TMEM132B: variants seen among roughly 807,000 people sequenced by gnomAD.
TMEM132B encodes transmembrane protein 132B.
Under a neutral mutation model 90.8 loss-of-function variants are expected in TMEM132B, and 18 were observed. The ratio of observed to expected loss-of-function variants is 0.20; its 90% CI spans 0.14 to 0.29. The LOEUF (loss-of-function observed/expected upper bound fraction) is 0.29. Among genes scored for constraint, TMEM132B ranks in the 10% least tolerant of loss-of-function variants. TMEM132B has a pLI of 1.00. For synonymous variants in TMEM132B, 504 were observed against 523.3 expected, an observed-to-expected ratio of 0.96 and a Z score of 0.50; for missense variants, 1,096 against 1,326.8, an observed-to-expected ratio of 0.83 and a Z score of 2.70.
At chr12:125,629,741 T>A (rs556548436) in intron 5 of TMEM132B, among the ~76,000 whole-genome samples, 23 of 152,248 alleles carry the variant, frequency 1.5e-4, no homozygotes, top group African/African-American at 5.3e-4. Flanking sequence ...GGGCTTTCAG[T>A]TTTTCCCTAA....
At chr12:125,289,986 T>C (rs761152373) in intron 1 of TMEM132B, among the ~76,000 whole-genome samples, 2 of 152,232 alleles carry the variant, frequency 1.3e-5, no homozygotes, top group African/African-American at 2.4e-5. Flanking sequence ...TAATCCATCA[T>C]GCTTTATGTC....
intron 5 of TMEM132B, among the ~76,000 whole-genome samples, chr12:125,606,416 G>A (rs978023579): frequency 6.6e-6 from 1 of 151,212 alleles, no homozygotes; most frequent in African/African-American, 2.4e-5. Flanking sequence ...GTGTGAATAT[G>A]TGTGCACACA....
At chr12:125,288,138 T>G (rs1875416408) in intron 1 of TMEM132B, among the ~76,000 whole-genome samples, 1 of 150,944 alleles carries the variant, frequency 6.6e-6, no homozygotes, top group Admixed American at 6.6e-5. Flanking sequence ...GCTCCCAAAG[T>G]GCTGGGATTA....
rs112094913 is a variant in TMEM132B, at chr12:125,277,254, G to A, written c.68-72198G>A. On this transcript the variant is annotated intron_variant, in intron 1 of 8. Transcript: ENST00000682704. This position sits in a 1 kb window ranked among gnomAD's most constrained non-coding sequence, Gnocchi z 4.3. ...CCAGCACTTTGGGAGGCTGAGGCAG[G>A]TGGATTACAAGGTCAGGAGTTCAAG... Among the ~76,000 whole-genome samples the A allele has an allele frequency of 0.062, 9,375 of 152,102 alleles. 993 individuals are homozygous for A. Among genetic ancestry groups the A allele is most frequent in the African/African-American group, 0.21 (8,874 of 41,408 alleles).
chr12:125,539,287 T>G (rs1023387836), intron 4 of TMEM132B, among the ~76,000 whole-genome samples: 1 of 152,176 alleles, frequency 6.6e-6, no homozygotes, highest in Non-Finnish European at 1.5e-5. Context: ...GCCTCCTTTC[T>G]TTTCTGGAAT....
At chr12:125,219,847 C>T (rs1038153786) in intron 1 of TMEM132B, among the ~76,000 whole-genome samples, 2 of 152,220 alleles carry the variant, frequency 1.3e-5, no homozygotes, top group African/African-American at 4.8e-5. Context: ...CTGAAGGAGC[C>T]ACTGTTTCCC....
chr12:125,641,895 A>G (rs1261218922), intron 5 of TMEM132B, among the ~76,000 whole-genome samples: 1 of 152,206 alleles, frequency 6.6e-6, no homozygotes, highest in African/African-American at 2.4e-5. Flanking sequence ...TTGGACTGAG[A>G]AAGTTCTGGC....
Position 125,652,533 on chromosome 12 carries a change from C to T in TMEM132B, c.2007C>T (p.Leu669=), listed in dbSNP as rs761104216. ...RVTIAELGVQ[L]VAGMSLSLQP... is the part of the protein sequence containing the mutation. ...CCATCGCGGAGCTGGGAGTGCAGCT[C>T]GTAGCTGGCATGTCTCTCTCCCTGC... The change falls in exon 8 of 9, where the codon CTC becomes CTT. Residue 669 remains leucine, a synonymous_variant. Coordinates refer to ENST00000682704, the MANE Select transcript of TMEM132B (RefSeq NM_001366854.1). The T allele has an allele frequency of 5.0e-6, 8 of 1,613,704 alleles. No individual in the cohort carries two copies. The highest frequency in any genetic ancestry group is 1.7e-5 in the Admixed American group (1 of 59,984).
In TMEM132B at chr12:125,655,839, A is replaced by G. The variant is rs1199459894; in HGVS notation, c.*1129A>G. 1.3e-5 allele frequency: 2 copies of G among 152,116 alleles called. No individual in the cohort carries two copies. Among genetic ancestry groups the G allele is most frequent in the Non-Finnish European group, 2.9e-5 (2 of 68,026 alleles). 9.4% of individuals were successfully genotyped at this position (152,116 alleles called of 1,614,324 possible). On this transcript the variant is annotated 3_prime_UTR_variant, in exon 9 of 9. Coordinates refer to ENST00000682704, the MANE Select transcript of TMEM132B (RefSeq NM_001366854.1). ...GAATGACAGTTCAAGTTAGCAATAT[A>G]TAGAAATCCATCCATACAATGACCA...
At position 125,661,259 on chromosome 12, in the gene TMEM132B, AC is replaced by A. The variant is rs1250203138; in HGVS notation, c.*6551del. The A allele has an allele frequency of 6.6e-6, 1 of 152,190 alleles. No individual in the cohort carries two copies. The highest frequency in any genetic ancestry group is 1.5e-5 in the Non-Finnish European group (1 of 68,048). The allele number at this position is 152,190 out of a possible 1,614,324, so 9.4% of individuals were successfully genotyped here. Reference sequence around the variant, plus strand: ...GAGCGTGCCTTTTTCCTCCATCATAACCGCTTTAGGATCTCTGTTTTATCCA... The same window carrying A: ...GAGCGTGCCTTTTTCCTCCATCATAACGCTTTAGGATCTCTGTTTTATCCA... On this transcript the variant is annotated 3_prime_UTR_variant, in exon 9 of 9. Coordinates refer to ENST00000682704, the MANE Select transcript of TMEM132B (RefSeq NM_001366854.1).
At chr12:125,534,365 A>G (rs1883737285) in intron 4 of TMEM132B, among the ~76,000 whole-genome samples, 1 of 152,124 alleles carries the variant, frequency 6.6e-6, no homozygotes, top group South Asian at 2.1e-4. Flanking sequence ...AAACATTTAA[A>G]AATTGGCCAT....
chr12:125,492,569 C>G lies in TMEM132B; in HGVS notation c.1107-26870C>G, dbSNP rs1882383472. 6.6e-6 allele frequency among the ~76,000 whole-genome samples: 1 copy of G among 152,120 alleles called. No individual in the cohort carries two copies. Among genetic ancestry groups the G allele is most frequent in the South Asian group, 2.1e-4 (1 of 4,822 alleles). On this transcript the variant is annotated intron_variant, in intron 3 of 8. Coordinates refer to ENST00000682704, the MANE Select transcript of TMEM132B (RefSeq NM_001366854.1). This position sits in a 1 kb window ranked among gnomAD's most constrained non-coding sequence, Gnocchi z 5.8. ...ACAGGGCGGACAGGAGCCAGGACTC[C>G]TGGAGGCAGGTGCGTCCAGGGGCCC...
At chr12:125,280,984 A>T (rs1019133060) in intron 1 of TMEM132B, among the ~76,000 whole-genome samples, 1 of 152,194 alleles carries the variant, frequency 6.6e-6, no homozygotes. Context: ...CCATGACAAC[A>T]ATTCAATTAG....
chr12:125,276,139 T>C (rs1273878844), intron 1 of TMEM132B, among the ~76,000 whole-genome samples: 3 of 152,258 alleles, frequency 2.0e-5, no homozygotes, highest in African/African-American at 7.2e-5. Flanking sequence ...GTGGTGCCTT[T>C]TATGCATTCC....
intron 1 of TMEM132B, among the ~76,000 whole-genome samples, chr12:125,220,087 C>T (rs767163163): frequency 6.6e-6 from 1 of 152,262 alleles, no homozygotes; most frequent in Non-Finnish European, 1.5e-5. Flanking sequence ...TTTTAAAGTT[C>T]ACCTCTTGTG....
At chr12:125,400,924 T>C (rs1879302465) in intron 2 of TMEM132B, among the ~76,000 whole-genome samples, 1 of 152,194 alleles carries the variant, frequency 6.6e-6, no homozygotes, top group Admixed American at 6.5e-5. Flanking sequence ...GACCCCGTGC[T>C]TCAGAAGGGC....
chr12:125,217,202 G>T (rs768939295), intron 1 of TMEM132B, among the ~76,000 whole-genome samples: 13 of 152,200 alleles, frequency 8.5e-5, no homozygotes, highest in Non-Finnish European at 1.6e-4. Flanking sequence ...TGGAGTTCAT[G>T]GGCTGGGAGG....
At chr12:125,542,011 C>T (rs1369943704) in intron 4 of TMEM132B, among the ~76,000 whole-genome samples, 1 of 79,010 alleles carries the variant, frequency 1.3e-5, no homozygotes, top group Non-Finnish European at 2.2e-5. Context: ...GGCGACAGAG[C>T]AAAACCCCCG....
chr12:125,375,270 G>A (rs1878438797), intron 2 of TMEM132B, among the ~76,000 whole-genome samples: 1 of 152,202 alleles, frequency 6.6e-6, no homozygotes, highest in Non-Finnish European at 1.5e-5. Flanking sequence ...GGACTCATTT[G>A]AATATGCAAC....
Sources: gnomAD v4.1 joint callset for allele counts (sites outside exome capture counted in the v4.1 genomes callset) on GRCh38, gnomAD v4.1.1 for gene constraint, Gnocchi (gnomAD v3.1) non-coding constraint, MANE v1.5 for transcripts, NCBI Gene and HGNC (gene_info 2026-07-23, HGNC 2026-07-21) for gene names.